Variants in DNHD1 observed in about 807,000 individuals in gnomAD.
DNHD1 encodes the protein dynein heavy chain domain-containing protein 1.
A neutral mutation model predicts 458.1 loss-of-function variants in DNHD1; 383 were observed. The observed-to-expected ratio is 0.84, with a 90% CI of 0.77 to 0.91. The LOEUF (loss-of-function observed/expected upper bound fraction) is 0.91. Among genes scored for constraint, DNHD1 ranks in the 40% least tolerant of loss-of-function variants. The probability of loss-of-function intolerance (pLI) is 0.00; values close to 1 mark genes in which losing one functional copy is unlikely to be tolerated. For missense variants in DNHD1, 5,336 were observed against 5,866.1 expected (o/e 0.91, Z 2.95); for synonymous variants, 2,203 against 2,376.9 (o/e 0.93, Z 2.13).
chr11:6,544,818 C>G lies in DNHD1; in HGVS notation c.3879C>G (p.Asp1293Glu). 1.9e-6 allele frequency: 3 copies of G among 1,551,560 alleles called. No individual in the cohort carries two copies. The highest frequency in any genetic ancestry group is 2.6e-6 in the Non-Finnish European group (3 of 1,146,890). ...ACTCTCGTTTCAAGGTCATGGATGA[C>G]CAGTATCGAACCCTGATGCGCATCT... is the stretch of plus-strand genomic sequence containing the variant. ...DLNSRFKVMD[D>E]QYRTLMRISV... The change falls in exon 21 of 43, where the codon GAC becomes GAG. Residue 1293 changes from aspartate (D) to glutamate (E), a missense_variant. Coordinates refer to ENST00000254579, the MANE Select transcript of DNHD1 (RefSeq NM_144666.3).
chr11:6,564,776 T>G lies in DNHD1; in HGVS notation c.10728T>G (p.Ser3576=), dbSNP rs1853661431. The change falls in exon 32 of 43, where the codon TCT becomes TCG. Residue 3576 remains serine (S), a synonymous_variant. Transcript: ENST00000254579. ...CGCTGCCTCTGGAAGAGAATCGATCTTTTGCGCCAGCCCTCACTGAGGGTA... is the reference window on the plus strand; with the variant it reads ...CGCTGCCTCTGGAAGAGAATCGATCGTTTGCGCCAGCCCTCACTGAGGGTA... The part of the protein sequence containing the change: ...LDPLPLEENR[S]FAPALTEGRG... The G allele has an allele frequency of 1.3e-6, 2 of 1,536,664 alleles. No homozygotes were observed. The highest frequency in any genetic ancestry group is 1.8e-6 in the Non-Finnish European group (2 of 1,136,092).
intron 20 of DNHD1, 35 bp from the exon 21 acceptor site, chr11:6,544,757 A>G: frequency 6.5e-7 from 1 of 1,543,684 alleles, no homozygotes; most frequent in Non-Finnish European, 8.8e-7. Flanking sequence ...GCCACTTCAT[A>G]TTGGCCCTCA....
rs539093963 is a variant in DNHD1, at chr11:6,528,852, G to A, written c.2104-26G>A. The A allele has an allele frequency of 2.8e-5, 44 of 1,551,146 alleles. No individual in the cohort carries two copies. The Admixed American group carries it at 7.8e-4, about 28-fold the overall frequency. On this transcript the variant is annotated intron_variant, in intron 11 of 42. Coordinates refer to ENST00000254579, the MANE Select transcript of DNHD1 (RefSeq NM_144666.3). ...ATTCCCATTATAGCCGCATGCCTCT[G>A]CCCTAAACACCTTGTCTGCCCTTAG... is the stretch of plus-strand genomic sequence containing the variant.
Position 6,520,253 on chromosome 11 carries a change from G to A in DNHD1, c.1801G>A (p.Asp601Asn). 1 of 1,553,236 alleles carries A rather than the reference G, an allele frequency of 6.4e-7. No individual in the cohort carries two copies. Among genetic ancestry groups the A allele is most frequent in the Non-Finnish European group, 8.7e-7 (1 of 1,147,574 alleles). ...TSALQVVQSA[D>N]LKTSSDSLYS... The stretch of plus-strand genomic sequence containing the variant: ...TGGCATGAAGGTAGTGCAGTCTGCA[G>A]ACCTGAAGACCTCCTCGGATTCCCT... Residue 601 changes from aspartate (D) to asparagine (N), a missense_variant, in exon 10 of 43, where the codon GAC (aspartate) becomes AAC (asparagine). This residue lies in a region of DNHD1 where 3,932 missense variants were observed against 4,365.6 expected (regional missense o/e 0.90). Coordinates refer to ENST00000254579, the MANE Select transcript of DNHD1 (RefSeq NM_144666.3).
rs1287613931 is a variant in DNHD1 at position 6,546,992 on chromosome 11, C to T, written c.6053C>T (p.Thr2018Ile). ...IQNRLAAMED[T>I]STQGCQPVEI... ...AATCGGCTGGCAGCCATGGAGGACACCTCAACCCAAGGCTGCCAGCCTGTG... is the reference window on the plus strand; with the variant it reads ...AATCGGCTGGCAGCCATGGAGGACATCTCAACCCAAGGCTGCCAGCCTGTG... The change falls in exon 21 of 43, where the codon ACC (threonine) becomes ATC (isoleucine). Residue 2018 changes from threonine to isoleucine, a missense_variant. Thr to Ile is a moderately conservative substitution (Grantham distance 89). Around this residue, in one of 4 missense-constraint regions of DNHD1, gnomAD observed 3,932 missense variants for 4,365.6 expected, o/e 0.90. Coordinates refer to ENST00000254579, the MANE Select transcript of DNHD1 (RefSeq NM_144666.3). 5.2e-6 allele frequency: 8 copies of T among 1,551,540 alleles called. No individual in the cohort carries two copies.
Position 6,570,282 on chromosome 11 carries a change from G to A in DNHD1, c.12991G>A (p.Glu4331Lys), listed in dbSNP as rs767015100. 1.2e-6 allele frequency: 2 copies of A among 1,613,722 alleles called. No homozygotes were observed. The highest frequency in any genetic ancestry group is 1.3e-5 in the African/African-American group (1 of 75,004). The change falls in exon 41 of 43, where the codon GAG becomes AAG. Residue 4331 changes from glutamate to lysine, a missense_variant. Glu to Lys is a moderately conservative substitution (Grantham distance 56). Coordinates refer to ENST00000254579, the MANE Select transcript of DNHD1 (RefSeq NM_144666.3). ...CTACGGGGGTCCTCTGGGGGACACTGAGGACAGGGAGGCCCTGATTAGCCT... is the reference window on the plus strand; with the variant it reads ...CTACGGGGGTCCTCTGGGGGACACTAAGGACAGGGAGGCCCTGATTAGCCT... Reference protein sequence around the residue: ...VFYGGPLGDTEDREALISLTQ... With the variant: ...VFYGGPLGDTKDREALISLTQ...
Position 6,571,160 on chromosome 11 carries a change from C to T in DNHD1, c.13648C>T (p.His4550Tyr), listed in dbSNP as rs774427817. ...GCCGGCCGGTCCGCAGCCGCCCTGG[C>T]ACTGGCTGCGACAGTTGTCGCGCCG... Reference protein sequence around the residue: ...HAPAGPQPPWHWLRQLSRRGQ... With the variant: ...HAPAGPQPPWYWLRQLSRRGQ... The change falls in exon 42 of 43, where the codon CAC becomes TAC. Residue 4550 changes from histidine to tyrosine, a missense_variant. By Grantham distance (83) the His-to-Tyr change is moderately conservative. This residue lies in a region of DNHD1 where 698 missense variants were observed against 664.9 expected (regional missense o/e 1.05). Coordinates refer to ENST00000254579, the MANE Select transcript of DNHD1 (RefSeq NM_144666.3). The surrounding 1 kb of genome is among the most constrained non-coding windows in gnomAD (Gnocchi z 5.0). 6.9e-6 allele frequency: 11 copies of T among 1,603,602 alleles called. No individual in the cohort carries two copies. The highest frequency in any genetic ancestry group is 1.7e-5 in the Admixed American group (1 of 59,718).
rs139013801 is a variant in DNHD1 at position 6,511,744 on chromosome 11, C to T, written c.1392+315C>T. Among the ~76,000 whole-genome samples, 244 of 152,306 alleles carry T rather than the reference C, an allele frequency of 1.6e-3. 1 individual carries two copies. The highest frequency in any genetic ancestry group is 1.1e-3 in the Non-Finnish European group (77 of 68,026). ...CTTTGGGAATTAGGGAATTTGAGAA[C>T]AGGAATCCTGGTCTTTTATGCTGCT... On this transcript the variant is annotated intron_variant, in intron 7 of 42. Coordinates refer to ENST00000254579, the MANE Select transcript of DNHD1 (RefSeq NM_144666.3).
Position 6,570,051 on chromosome 11 carries a change from G to C in DNHD1, c.12906G>C (p.Gln4302His). 1 of 1,613,956 alleles carries C rather than the reference G, an allele frequency of 6.2e-7. No individual in the cohort carries two copies. Among genetic ancestry groups the C allele is most frequent in the Non-Finnish European group, 8.5e-7 (1 of 1,179,858 alleles). ...CCCAGGTTCTTCAGACCCAAGACCA[G>C]CTGTGGGCAAGTCTTAGCAATCCCC... ...TLTQVLQTQDQLWASLSNPRA... is the reference protein window; with the variant it reads ...TLTQVLQTQDHLWASLSNPRA... Residue 4302 changes from glutamine to histidine, a missense_variant, in exon 40 of 43, where the codon CAG becomes CAC. By Grantham distance (24) the Gln-to-His change is conservative. Around this residue, in one of 4 missense-constraint regions of DNHD1, gnomAD observed 698 missense variants for 664.9 expected, o/e 1.05. Transcript: ENST00000254579.
At position 6,571,389 on chromosome 11, in the gene DNHD1, G is replaced by A. The variant is rs1438149734; in HGVS notation, c.13877G>A (p.Arg4626His). 2 of 1,609,234 alleles carry A rather than the reference G, an allele frequency of 1.2e-6. No homozygotes were observed. The highest frequency in any genetic ancestry group is 2.2e-5 in the East Asian group (1 of 44,742). ...GTCTCCAGTCAGCTCCAGTATAAACGTCTGGAGATGAACAGCAACCCTCTG... is the reference window on the plus strand; with the variant it reads ...GTCTCCAGTCAGCTCCAGTATAAACATCTGGAGATGAACAGCAACCCTCTG... ...GSVSSQLQYK[R>H]LEMNSNPLHF... The change falls in exon 42 of 43, where the codon CGT (arginine) becomes CAT (histidine). Residue 4626 changes from arginine (R) to histidine (H), a missense_variant. By Grantham distance (29) the Arg-to-His change is conservative. This residue lies in a region of DNHD1 where 698 missense variants were observed against 664.9 expected (regional missense o/e 1.05). Transcript: ENST00000254579. This position sits in a 1 kb window ranked among gnomAD's most constrained non-coding sequence, Gnocchi z 5.0.
In DNHD1 at chr11:6,498,632, T is replaced by C; in HGVS notation, c.417T>C (p.Ser139=). 2 of 1,614,234 alleles carry C rather than the reference T, an allele frequency of 1.2e-6. No individual in the cohort carries two copies. The highest frequency in any genetic ancestry group is 1.7e-6 in the Non-Finnish European group (2 of 1,180,042). The part of the protein sequence containing the change: ...AIVQAFPPDS[S]LLDSASHADC... ...TCCAGGCCTTTCCTCCAGACAGCTC[T>C]TTGTTAGACAGTGCTTCCCATGCTG... The change falls in exon 3 of 43, where the codon TCT becomes TCC. Residue 139 remains serine, a synonymous_variant. Transcript: ENST00000254579.
chr11:6,532,673 C>T (rs894620297), intron 12 of DNHD1, among the ~76,000 whole-genome samples: 1 of 152,096 alleles, frequency 6.6e-6, no homozygotes, highest in Admixed American at 6.5e-5. Context: ...CTCAGGATAC[C>T]CCCCGGCACC....
At position 6,498,374 on chromosome 11, in the gene DNHD1, G is replaced by T. The variant is rs1293116939; in HGVS notation, c.159G>T (p.Glu53Asp). Reference protein sequence around the residue: ...RQFVKPVTESEQPTVLELLLA... With the variant: ...RQFVKPVTESDQPTVLELLLA... ...TCGTGAAGCCAGTGACTGAGTCAGA[G>T]CAGCCCACAGTGCTGGAACTCCTGC... The change falls in exon 3 of 43, where the codon GAG becomes GAT. Residue 53 changes from glutamate to aspartate, a missense_variant. Physicochemically the swap from Glu to Asp is conservative, Grantham distance 45. Coordinates refer to ENST00000254579, the MANE Select transcript of DNHD1 (RefSeq NM_144666.3). 2 of 1,614,234 alleles carry T rather than the reference G, an allele frequency of 1.2e-6. No homozygotes were observed. The highest frequency in any genetic ancestry group is 4.5e-5 in the East Asian group (2 of 44,884).
intron 29 of DNHD1, 110 bp downstream of exon 29, chr11:6,563,241 G>C: frequency 6.6e-7 from 1 of 1,525,520 alleles, no homozygotes; most frequent in Non-Finnish European, 8.9e-7. Context: ...AATCTCCTGG[G>C]GGGAGGGGAC....
At position 6,571,000 on chromosome 11, in the gene DNHD1, G is replaced by A. The variant is rs200845640; in HGVS notation, c.13488G>A (p.Val4496=). Residue 4496 remains valine, a synonymous_variant, in exon 42 of 43, where the codon GTG becomes GTA. Transcript: ENST00000254579. ...AGGCTCTAGAACTGAGCCAGTTGGT[G>A]GGCACGCTACAACGCGACCTTGATT... ...ETEALELSQL[V]GTLQRDLDCL... is the part of the protein sequence containing the mutation. 4.4e-4 allele frequency: 707 copies of A among 1,600,390 alleles called. No homozygotes were observed. Among genetic ancestry groups the A allele is most frequent in the Non-Finnish European group, 4.6e-4 (534 of 1,170,474 alleles).
In DNHD1 at chr11:6,560,407, C is replaced by T. The variant is rs138025602; in HGVS notation, c.9519+1124C>T. On this transcript the variant is annotated intron_variant, in intron 28 of 42. Transcript: ENST00000254579. ...CCTGGAGTTTTAAAGGTACTGGTGC[C>T]CTCCTACTATTCACCACCTAGGATG... Among the ~76,000 whole-genome samples the T allele has an allele frequency of 1.2e-4, 19 of 152,248 alleles. No individual in the cohort carries two copies. The East Asian group carries it at 2.9e-3, about 23-fold the overall frequency.
chr11:6,516,864 C>T (rs956251154), intron 7 of DNHD1, among the ~76,000 whole-genome samples: 2 of 152,142 alleles, frequency 1.3e-5, no homozygotes, highest in Non-Finnish European at 2.9e-5. Flanking sequence ...CTCTTCCTCC[C>T]TCTATTCTTC....
chr11:6,547,387 G>A lies in DNHD1; in HGVS notation c.6448G>A (p.Glu2150Lys). Reference sequence around the variant, plus strand: ...TTGTGCCCTAGTCTGGTGTGGTGGAGAGCAGACTTGGCAGTGTATACTTAG... The same window carrying A: ...TTGTGCCCTAGTCTGGTGTGGTGGAAAGCAGACTTGGCAGTGTATACTTAG... ...GCCALVWCGG[E>K]QTWQCILSAL... Residue 2150 changes from glutamate to lysine, a missense_variant, in exon 21 of 43, where the codon GAG becomes AAG. Physicochemically the swap from Glu to Lys is moderately conservative, Grantham distance 56. Transcript: ENST00000254579. 6.4e-7 allele frequency: 1 copy of A among 1,551,768 alleles called. No individual in the cohort carries two copies. The highest frequency in any genetic ancestry group is 8.7e-7 in the Non-Finnish European group (1 of 1,147,016).
chr11:6,571,615 A>G lies in DNHD1; in HGVS notation c.13912-21A>G. 1 of 1,533,590 alleles carries G rather than the reference A, an allele frequency of 6.5e-7. No individual in the cohort carries two copies. 95.0% of individuals were successfully genotyped at this position (1,533,590 alleles called of 1,614,324 possible). A position where few individuals can be genotyped will look rare whatever the true frequency, so the allele number is the denominator to read the frequency against. On this transcript the variant is annotated intron_variant, in intron 42 of 42. Coordinates refer to ENST00000254579, the MANE Select transcript of DNHD1 (RefSeq NM_144666.3). The surrounding 1 kb of genome is among the most constrained non-coding windows in gnomAD (Gnocchi z 5.0). Reference sequence around the variant, plus strand: ...CCTCCCAGCTTCCTAGCCTTGCCTGACCAGCTTCTGACGCCCCCAGGTGGA... The same window carrying G: ...CCTCCCAGCTTCCTAGCCTTGCCTGGCCAGCTTCTGACGCCCCCAGGTGGA...
Sources: gnomAD v4.1 joint callset for allele counts (sites outside exome capture counted in the v4.1 genomes callset) on GRCh38, gnomAD v4.1.1 for gene constraint, gnomAD v4.1.1 regional missense constraint, Gnocchi (gnomAD v3.1) non-coding constraint, MANE v1.5 for transcripts, NCBI Gene and HGNC (gene_info 2026-07-23, HGNC 2026-07-21) for gene names.